The following GDF6 variants were observed in gnomAD, a reference collection of about 807,000 sequenced individuals.
GDF6 encodes growth differentiation factor 6.
In GDF6, 3 loss-of-function variants were observed where a neutral mutation model predicts 32.4. The observed-to-expected ratio is 0.09, with a 90% confidence interval of 0.04 to 0.24. GDF6 has a LOEUF of 0.24. Ranked by LOEUF, GDF6 falls within the 10% of genes least tolerant of loss-of-function variation. The probability of loss-of-function intolerance (pLI) is 1.00; values close to 1 mark genes in which losing one functional copy is unlikely to be tolerated. For synonymous variants in GDF6, 296 were observed against 295.3 expected, an observed-to-expected ratio of 1.00 and a Z score of -0.03; for missense variants, 589 against 637.9, an observed-to-expected ratio of 0.92 and a Z score of 0.83.
In GDF6 at chr8:96,160,221, C is replaced by T. The variant is rs1812736668; in HGVS notation, c.406+66G>A. On this transcript the variant is annotated intron_variant, in intron 1 of 1. Transcript: ENST00000287020. The stretch of plus-strand genomic sequence containing the variant: ...GGGAATTCACAAATGTAGCCTCCAG[C>T]GGGAACAGCTCCCTGGCTGCCGAGC... 1.1e-5 allele frequency: 16 copies of T among 1,511,874 alleles called. 1 individual carries two copies. The highest frequency in any genetic ancestry group is 1.4e-5 in the Non-Finnish European group (15 of 1,086,910). 93.7% of individuals were successfully genotyped at this position (1,511,874 alleles called of 1,614,324 possible).
rs1400567481 is a variant in GDF6, at chr8:96,144,464, G to A, written c.*99C>T. ...GTTCCCTCACCCTCAGCCTCCCCCA[G>A]CGCCAGCTTCCTCCTCCGCCTCTCT... On this transcript the variant is annotated 3_prime_UTR_variant, in exon 2 of 2. Transcript: ENST00000287020. This position sits in a 1 kb window ranked among gnomAD's most constrained non-coding sequence, Gnocchi z 5.1. 4.7e-5 allele frequency: 68 copies of A among 1,454,274 alleles called. No individual in the cohort carries two copies. The South Asian group carries it at 8.5e-4, about 18-fold the overall frequency. 90.1% of individuals were successfully genotyped at this position (1,454,274 alleles called of 1,614,324 possible).
intron 1 of GDF6, among the ~76,000 whole-genome samples, chr8:96,154,277 G>A (rs1326205311): frequency 1.3e-5 from 2 of 151,904 alleles, no homozygotes; most frequent in South Asian, 2.1e-4. Flanking sequence ...GCGCCGCCGC[G>A]CGCGCTTCCC....
intron 1 of GDF6, among the ~76,000 whole-genome samples, chr8:96,146,427 C>G (rs549700683): frequency 6.6e-6 from 1 of 151,756 alleles, no homozygotes; most frequent in African/African-American, 2.4e-5. Flanking sequence ...GCCCATCAGG[C>G]GGTTTTGGTG....
In GDF6 at chr8:96,144,726, A is replaced by G; in HGVS notation, c.1205T>C (p.Ile402Thr). 1 of 1,614,146 alleles carries G rather than the reference A, an allele frequency of 6.2e-7. No homozygotes were observed. Among genetic ancestry groups the G allele is most frequent in the South Asian group, 1.1e-5 (1 of 91,084 alleles). Residue 402 changes from isoleucine (I) to threonine (T), a missense_variant, in exon 2 of 2, where the codon ATC becomes ACC. Around this residue, in one of 2 missense-constraint regions of GDF6, gnomAD observed 153 missense variants for 226.7 expected, o/e 0.67. Coordinates refer to ENST00000287020, the MANE Select transcript of GDF6 (RefSeq NM_001001557.4). The surrounding 1 kb of genome is among the most constrained non-coding windows in gnomAD (Gnocchi z 5.1). ...RSHLEPTNHAIIQTLMNSMDP... is the reference protein window; with the variant it reads ...RSHLEPTNHATIQTLMNSMDP... ...CATGGAGTTCATCAGCGTCTGGATG[A>G]TGGCGTGGTTGGTGGGCTCCAGGTG...
intron 1 of GDF6, among the ~76,000 whole-genome samples, chr8:96,151,534 C>T (rs1812568885): frequency 6.6e-6 from 1 of 152,162 alleles, no homozygotes; most frequent in Admixed American, 6.5e-5. Context: ...AGAAACTCTT[C>T]CATGCTGCCC....
At chr8:96,150,231 C>T (rs1812546036) in intron 1 of GDF6, among the ~76,000 whole-genome samples, 1 of 152,214 alleles carries the variant, frequency 6.6e-6, no homozygotes, top group South Asian at 2.1e-4. Flanking sequence ...ACCTGGCTCA[C>T]ATCTCTGAGT....
chr8:96,147,621 T>A (rs1479296199), intron 1 of GDF6, among the ~76,000 whole-genome samples: 1 of 152,214 alleles, frequency 6.6e-6, no homozygotes. Context: ...AACCAAGGAT[T>A]GGAGAAATTA....
chr8:96,146,707 C>CACAGAGAGAGAGAGAGAG (rs367654279), intron 1 of GDF6, among the ~76,000 whole-genome samples: 25 of 140,022 alleles, frequency 1.8e-4, no homozygotes, highest in African/African-American at 5.4e-4. Flanking sequence ...CACACACACA[C>CACAGAGAGAGAGAGAGAG]AGAGAGAGAG....
chr8:96,145,185 G>T lies in GDF6; in HGVS notation c.746C>A (p.Ala249Glu), dbSNP rs121909352. 5,489 of 1,496,680 alleles carry T rather than the reference G, an allele frequency of 3.7e-3. 16 individuals are homozygous for T. The highest frequency in any genetic ancestry group is 4.6e-3 in the Non-Finnish European group (5,166 of 1,130,590). 92.7% of individuals were successfully genotyped at this position (1,496,680 alleles called of 1,614,324 possible). ...GGGCGGCGGTTGCTGGGGTCCCCGC[G>T]CGCGCGCCTCGGCCTCCCCGGCGTC... is the stretch of plus-strand genomic sequence containing the variant. ...ELDAGEAEAR[A>E]RGPQQPPPPD... Residue 249 changes from alanine (A) to glutamate (E), a missense_variant, in exon 2 of 2, where the codon GCG (alanine) becomes GAG (glutamate). This residue lies in a region of GDF6 where 436 missense variants were observed against 411.2 expected (regional missense o/e 1.06). Coordinates refer to ENST00000287020, the MANE Select transcript of GDF6 (RefSeq NM_001001557.4). This position sits in a 1 kb window ranked among gnomAD's most constrained non-coding sequence, Gnocchi z 5.6.
rs1409104237 is a variant in GDF6 at position 96,145,458 on chromosome 8, T to C, written c.473A>G (p.Lys158Arg). The C allele has an allele frequency of 6.3e-7, 1 of 1,597,624 alleles. No homozygotes were observed. The highest frequency in any genetic ancestry group is 8.5e-7 in the Non-Finnish European group (1 of 1,179,598). Reference protein sequence around the residue: ...YLFDVSMLSDKEELVGAELRL... With the variant: ...YLFDVSMLSDREELVGAELRL... ...CAGCTCCGCGCCCACCAGCTCTTCTTTGTCTGAGAGCATGGACACATCAAA... is the reference window on the plus strand; with the variant it reads ...CAGCTCCGCGCCCACCAGCTCTTCTCTGTCTGAGAGCATGGACACATCAAA... Residue 158 changes from lysine (K) to arginine (R), a missense_variant, in exon 2 of 2, where the codon AAA becomes AGA. This residue lies in a region of GDF6 where 436 missense variants were observed against 411.2 expected (regional missense o/e 1.06). Coordinates refer to ENST00000287020, the MANE Select transcript of GDF6 (RefSeq NM_001001557.4). This position sits in a 1 kb window ranked among gnomAD's most constrained non-coding sequence, Gnocchi z 5.6.
chr8:96,145,335 G>T lies in GDF6; in HGVS notation c.596C>A (p.Ala199Glu). ...CGCCCCCTGCGGGTCCAGGGTCCGC[G>T]CGTCCAGCAGTAGGGGCGAAAGGCA... ...FPCLSPLLLD[A>E]RTLDPQGAPP... The change falls in exon 2 of 2, where the codon GCG becomes GAG. Residue 199 changes from alanine to glutamate, a missense_variant. Ala to Glu is a moderately radical substitution (Grantham distance 107). This residue lies in a region of GDF6 where 436 missense variants were observed against 411.2 expected (regional missense o/e 1.06). Transcript: ENST00000287020. The surrounding 1 kb of genome is among the most constrained non-coding windows in gnomAD (Gnocchi z 5.6). 1.9e-6 allele frequency: 3 copies of T among 1,540,078 alleles called. No individual in the cohort carries two copies. The highest frequency in any genetic ancestry group is 1.7e-6 in the Non-Finnish European group (2 of 1,149,392).
At chr8:96,159,104 C>T (rs1314178360) in intron 1 of GDF6, among the ~76,000 whole-genome samples, 5 of 152,182 alleles carry the variant, frequency 3.3e-5, no homozygotes, top group African/African-American at 7.2e-5. Flanking sequence ...GCAAGGTTTC[C>T]GGGCAACCCC....
Position 96,160,516 on chromosome 8 carries a change from G to C in GDF6, c.177C>G (p.Asp59Glu), listed in dbSNP as rs1586126489. The C allele has an allele frequency of 6.2e-7, 1 of 1,613,250 alleles. No individual in the cohort carries two copies. Among genetic ancestry groups the C allele is most frequent in the East Asian group, 2.2e-5 (1 of 44,844 alleles). Reference sequence around the variant, plus strand: ...GTGGTTCCTGGCCCTCCCGGCCCGCGTCACTGTCGCGCGGCGCCCGCTGCA... The same window carrying C: ...GTGGTTCCTGGCCCTCCCGGCCCGCCTCACTGTCGCGCGGCGCCCGCTGCA... ...GKMQRAPRDS[D>E]AGREGQEPQP... The change falls in exon 1 of 2, where the codon GAC becomes GAG. Residue 59 changes from aspartate (D) to glutamate (E), a missense_variant. Around this residue, in one of 2 missense-constraint regions of GDF6, gnomAD observed 436 missense variants for 411.2 expected, o/e 1.06. Coordinates refer to ENST00000287020, the MANE Select transcript of GDF6 (RefSeq NM_001001557.4).
chr8:96,144,624 C>A lies in GDF6; in HGVS notation c.1307G>T (p.Gly436Val). 6.2e-7 allele frequency: 1 copy of A among 1,613,994 alleles called. No individual in the cohort carries two copies. The highest frequency in any genetic ancestry group is 8.5e-7 in the Non-Finnish European group (1 of 1,179,966). The change falls in exon 2 of 2, where the codon GGC (glycine) becomes GTC (valine). Residue 436 changes from glycine to valine, a missense_variant. Physicochemically the swap from Gly to Val is moderately radical, Grantham distance 109. Coordinates refer to ENST00000287020, the MANE Select transcript of GDF6 (RefSeq NM_001001557.4). The surrounding 1 kb of genome is among the most constrained non-coding windows in gnomAD (Gnocchi z 5.1). ...GTACTGCTTGTAGACCACATTATTGCCCGCGTCGATGTATAGAATGCTGAT... is the reference window on the plus strand; with the variant it reads ...GTACTGCTTGTAGACCACATTATTGACCGCGTCGATGTATAGAATGCTGAT... ...TPISILYIDA[G>V]NNVVYKQYED...
rs1812448013 is a variant in GDF6, at chr8:96,145,012, C to CGCCCGG, written c.913_918dup (p.Pro305_Gly306dup). The CGCCCGG allele has an allele frequency of 2.2e-6, 3 of 1,393,506 alleles. No individual in the cohort carries two copies. Among genetic ancestry groups the CGCCCGG allele is most frequent in the South Asian group, 1.6e-5 (1 of 60,648 alleles). 86.3% of individuals were successfully genotyped at this position (1,393,506 alleles called of 1,614,324 possible). A position where few individuals can be genotyped will look rare whatever the true frequency, so the allele number is the denominator to read the frequency against. On this transcript the variant is annotated inframe_insertion, in exon 2 of 2. Transcript: ENST00000287020. This position sits in a 1 kb window ranked among gnomAD's most constrained non-coding sequence, Gnocchi z 5.6. ...GGCGGCCACGACCCCTCGGCGCCCG[C>CGCCCGG]GCCCGGGCCCGCAGCCTCGGCCGAG...
At chr8:96,157,210 G>C (rs76485817) in intron 1 of GDF6, among the ~76,000 whole-genome samples, 1 of 151,992 alleles carries the variant, frequency 6.6e-6, no homozygotes, top group Non-Finnish European at 1.5e-5. Flanking sequence ...TTTTAGGTTT[G>C]TTTGGTTTCT....
At chr8:96,147,375 A>G (rs1434370842) in intron 1 of GDF6, among the ~76,000 whole-genome samples, 1 of 152,230 alleles carries the variant, frequency 6.6e-6, no homozygotes, top group East Asian at 1.9e-4. Context: ...CTTCTCCTTC[A>G]AAGAAACCTG....
In GDF6 at chr8:96,160,423, C is replaced by A. The variant is rs776936551; in HGVS notation, c.270G>T (p.Pro90=). 6 of 1,614,080 alleles carry A rather than the reference C, an allele frequency of 3.7e-6. No individual in the cohort carries two copies. Among genetic ancestry groups the A allele is most frequent in the Non-Finnish European group, 5.1e-6 (6 of 1,179,958 alleles). Residue 90 remains proline, a synonymous_variant, in exon 1 of 2, where the codon CCG becomes CCT. Transcript: ENST00000287020. ...PRAQEPPGRG[P]RVVPHEYMLS... ...GCATGTACTCGTGGGGCACCACGCG[C>A]GGACCCCTGCCTGGCGGCTCCTGCG...
rs1379195210 is a variant in GDF6 at position 96,160,297 on chromosome 8, G to C, written c.396C>G (p.Asp132Glu). The C allele has an allele frequency of 6.2e-7, 1 of 1,614,266 alleles. No individual in the cohort carries two copies. The highest frequency in any genetic ancestry group is 8.5e-7 in the Non-Finnish European group (1 of 1,180,046). ...TTCTTTGCCACTTACCTAGTCCCCTGTCTACAAAGCTGGTGATCGTATTAG... is the reference window on the plus strand; with the variant it reads ...TTCTTTGCCACTTACCTAGTCCCCTCTCTACAAAGCTGGTGATCGTATTAG... ...KSANTITSFV[D>E]RGLDDLSHTP... Residue 132 changes from aspartate (D) to glutamate (E), a missense_variant, in exon 1 of 2, where the codon GAC becomes GAG. Asp to Glu is a conservative substitution (Grantham distance 45). Coordinates refer to ENST00000287020, the MANE Select transcript of GDF6 (RefSeq NM_001001557.4).
Sources: gnomAD v4.1 joint callset for allele counts (sites outside exome capture counted in the v4.1 genomes callset) on GRCh38, gnomAD v4.1.1 for gene constraint, gnomAD v4.1.1 regional missense constraint, Gnocchi (gnomAD v3.1) non-coding constraint, MANE v1.5 for transcripts, NCBI Gene and HGNC (gene_info 2026-07-23, HGNC 2026-07-21) for gene names.